C12orf56: variants seen among roughly 807,000 people sequenced by gnomAD.
C12orf56 encodes the protein uncharacterized protein C12orf56.
A neutral mutation model predicts 69.9 loss-of-function variants in C12orf56; 71 were observed. The observed-to-expected ratio is 1.02, with a 90% CI of 0.84 to 1.24. The LOEUF is 1.24. C12orf56 is among the 50% of genes most tolerant of loss of function. The pLI, the probability that C12orf56 is intolerant of heterozygous loss-of-function variation, is 0.00. For synonymous variants in C12orf56, 276 were observed against 274.1 expected (o/e 1.01, Z -0.07); for missense variants, 732 against 738.5 (o/e 0.99, Z 0.10).
intron 2 of C12orf56, among the ~76,000 whole-genome samples, chr12:64,331,977 T>C (rs1294472954): frequency 6.6e-6 from 1 of 151,722 alleles, no homozygotes; most frequent in African/African-American, 2.4e-5. Context: ...AAAAAAAGAC[T>C]TTGCTCCTTC....
chr12:64,319,190 A>T (rs116787131), intron 3 of C12orf56, among the ~76,000 whole-genome samples: 460 of 152,330 alleles, frequency 3.0e-3, no homozygotes, highest in African/African-American at 0.01. Context: ...TGTTTTCAGA[A>T]ATAAACTGTA....
At chr12:64,372,119 G>A (rs528035614) in intron 1 of C12orf56, among the ~76,000 whole-genome samples, 49 of 151,946 alleles carry the variant, frequency 3.2e-4, no homozygotes, top group South Asian at 6.2e-4. Context: ...TCTGTTCTAA[G>A]CATTTTTTGT....
intron 1 of C12orf56, among the ~76,000 whole-genome samples, chr12:64,362,300 A>G (rs2039409639): frequency 1.3e-5 from 2 of 152,148 alleles, no homozygotes; most frequent in African/African-American, 4.8e-5. Flanking sequence ...GTTACCGGAA[A>G]GTGGTCTCGA....
chr12:64,372,668 T>C lies in C12orf56; in HGVS notation c.252+17646A>G, dbSNP rs1324794886. On this transcript the variant is annotated intron_variant, in intron 1 of 12. Coordinates refer to ENST00000543942, the MANE Select transcript of C12orf56 (RefSeq NM_001170633.2). ...AGCTGGGATTACAGGCACACACCAATATGTCCAGCTAATTTTTGTATTTTC... is the reference window on the plus strand; with the variant it reads ...AGCTGGGATTACAGGCACACACCAACATGTCCAGCTAATTTTTGTATTTTC... Among the ~76,000 whole-genome samples, 3 of 152,124 alleles carry C rather than the reference T, an allele frequency of 2.0e-5. No individual in the cohort carries two copies. In the East Asian group the frequency reaches 5.8e-4, roughly 29 times the overall value.
At chr12:64,320,210 C>T (rs976864408) in intron 3 of C12orf56, among the ~76,000 whole-genome samples, 2 of 152,240 alleles carry the variant, frequency 1.3e-5, no homozygotes, top group Non-Finnish European at 2.9e-5. Context: ...ACACTCACCA[C>T]ATAGCCCAAG....
At chr12:64,353,107 T>C (rs1411370724) in intron 1 of C12orf56, 51 bp from the exon 2 acceptor site, 7 of 1,546,732 alleles carry the variant, frequency 4.5e-6, no homozygotes, top group Non-Finnish European at 5.3e-6. Flanking sequence ...ACTGCTTACC[T>C]ATTTTGGTAT....
chr12:64,310,246 A>G (rs2038589682), intron 5 of C12orf56, among the ~76,000 whole-genome samples: 1 of 151,938 alleles, frequency 6.6e-6, no homozygotes, highest in African/African-American at 2.4e-5. Context: ...GGCTCAAGCG[A>G]TCCTCCCACT....
chr12:64,286,084 A>C (rs747993636), intron 6 of C12orf56, 24 bp from the exon 7 acceptor site: 2 of 1,419,084 alleles, frequency 1.4e-6, no homozygotes, highest in East Asian at 4.6e-5. Flanking sequence ...TTGGAAAAAA[A>C]GACAGTAATT....
At chr12:64,360,803 A>G (rs1194817261) in intron 1 of C12orf56, among the ~76,000 whole-genome samples, 1 of 152,230 alleles carries the variant, frequency 6.6e-6, no homozygotes, top group Non-Finnish European at 1.5e-5. Context: ...AATAATTTTA[A>G]AAGTCCAAAT....
At chr12:64,357,130 TG>T (rs564527284) in intron 1 of C12orf56, among the ~76,000 whole-genome samples, 7 of 150,744 alleles carry the variant, frequency 4.6e-5, no homozygotes, top group Non-Finnish European at 7.4e-5. Flanking sequence ...CACAAAAATG[TG>T]GTCTTTCAAC....
intron 1 of C12orf56, among the ~76,000 whole-genome samples, chr12:64,389,754 C>T (rs1331402793): frequency 6.6e-6 from 1 of 152,176 alleles, no homozygotes; most frequent in Non-Finnish European, 1.5e-5. Context: ...ACCTTGGCCT[C>T]CCAAAGTGTA....
chr12:64,307,438 C>T (rs546217292), intron 5 of C12orf56, among the ~76,000 whole-genome samples: 3 of 135,682 alleles, frequency 2.2e-5, no homozygotes, highest in East Asian at 4.5e-4. Context: ...GGCACAATCT[C>T]GGCTCACTGC....
intron 3 of C12orf56, among the ~76,000 whole-genome samples, chr12:64,324,909 A>C (rs2038818802): frequency 6.6e-6 from 1 of 152,120 alleles, no homozygotes; most frequent in African/African-American, 2.4e-5. Context: ...AATCCAGGGG[A>C]AGATTGATGT....
At chr12:64,270,936 G>C (rs2136741776) in intron 11 of C12orf56, among the ~76,000 whole-genome samples, 1 of 152,314 alleles carries the variant, frequency 6.6e-6, no homozygotes, top group Admixed American at 6.5e-5. Flanking sequence ...GGGAGACCAA[G>C]GCAGGTGGAT....
intron 8 of C12orf56, 62 bp from the exon 9 acceptor site, chr12:64,277,865 C>A (rs968177846): frequency 6.8e-6 from 9 of 1,319,234 alleles, no homozygotes; most frequent in South Asian, 2.1e-5. Context: ...AATGGTGAAG[C>A]CAAGTTTCAA....
At position 64,390,546 on chromosome 12, in the gene C12orf56, GA is replaced by G; in HGVS notation, c.19del (p.Ser7ProfsTer49). ...GCTGTTCCTGCGCGCGGGGAAGCCGGACGGCAAGGGGCTGGCCATGCCCGGC... is the reference window on the plus strand; with the variant it reads ...GCTGTTCCTGCGCGCGGGGAAGCCGGCGGCAAGGGGCTGGCCATGCCCGGC... MASPLP[S>X]GFPARRNSRL... On this transcript the variant is annotated frameshift_variant, in exon 1 of 13. Transcript: ENST00000543942. LOFTEE classifies it high-confidence loss of function. 6.3e-7 allele frequency: 1 copy of G among 1,594,138 alleles called. No homozygotes were observed. Among genetic ancestry groups the G allele is most frequent in the Non-Finnish European group, 8.5e-7 (1 of 1,177,084 alleles).
intron 1 of C12orf56, among the ~76,000 whole-genome samples, chr12:64,370,357 A>G (rs1035463742): frequency 2.6e-5 from 4 of 151,090 alleles, no homozygotes; most frequent in South Asian, 4.2e-4. Flanking sequence ...CGCCCCCCCA[A>G]AAAAAAAGAT....
chr12:64,284,615 G>T, intron 8 of C12orf56, 49 bp downstream of exon 8: 1 of 1,344,480 alleles, frequency 7.4e-7, no homozygotes, highest in Non-Finnish European at 1.0e-6. Context: ...AATAAGAATA[G>T]TTAATGGGTT....
At chr12:64,366,834 A>ATATATAACATACAGTTTATATATAT (rs1555194275) in intron 1 of C12orf56, among the ~76,000 whole-genome samples, 7,646 of 96,024 alleles carry the variant, frequency 0.08, 509 homozygotes, top group East Asian at 0.27. Context: ...TATATATATT[A>ATATATAACATACAGTTTATATATAT]TATATAACAT....
Sources: allele counts gnomAD v4.1 joint callset (sites outside exome capture counted in the v4.1 genomes callset), GRCh38; gene constraint gnomAD v4.1.1; transcripts MANE v1.5; gene names NCBI Gene and HGNC (gene_info 2026-07-23, HGNC 2026-07-21).